NAALADL2: variants seen among roughly 807,000 people sequenced by gnomAD.
NAALADL2 encodes the protein inactive N-acetylated-alpha-linked acidic dipeptidase-like protein 2.
NAALADL2 carries 76 observed loss-of-function variants against 87.2 expected under a neutral mutation model. The observed-to-expected ratio is 0.87, with a 90% confidence interval of 0.72 to 1.05. NAALADL2 has a LOEUF of 1.05. NAALADL2 is among the 50% of genes least tolerant of loss of function. The pLI is 0.00. For missense variants in NAALADL2, 1,089 were observed against 945.8 expected (o/e 1.15, Z -1.99); for synonymous variants, 354 against 331.0 (o/e 1.07, Z -0.75).
intron 11 of NAALADL2, chr3:175,718,683 T>G: frequency 1.9e-6 from 3 of 1,540,460 alleles, no homozygotes; most frequent in Non-Finnish European, 2.7e-6. Flanking sequence ...CGTTTTCTTG[T>G]ATTTTTATAG....
chr3:175,763,069 G>A (rs1748245920), intron 13 of NAALADL2, among the ~76,000 whole-genome samples: 2 of 143,078 alleles, frequency 1.4e-5, no homozygotes, highest in Non-Finnish European at 3.0e-5. Context: ...GGGGGACACA[G>A]CAAGACTCTG....
At chr3:175,122,833 A>G (rs1056308817) in intron 2 of NAALADL2, among the ~76,000 whole-genome samples, 3 of 151,880 alleles carry the variant, frequency 2.0e-5, no homozygotes, top group Non-Finnish European at 4.4e-5. Context: ...ATAGAAATTT[A>G]TTTATCATGG....
At chr3:174,723,818 G>A (rs1432018913) in intron 2 of NAALADL2, among the ~76,000 whole-genome samples, 1 of 148,626 alleles carries the variant, frequency 6.7e-6, no homozygotes, top group African/African-American at 2.5e-5. Flanking sequence ...CTATACTGGA[G>A]GTTTTTAGGA....
At chr3:175,747,310 C>A (rs1354602384) in intron 12 of NAALADL2, among the ~76,000 whole-genome samples, 2 of 152,302 alleles carry the variant, frequency 1.3e-5, no homozygotes, top group Non-Finnish European at 2.9e-5. Context: ...GTACTTCATG[C>A]AAATTCCTTT....
intron 1 of NAALADL2, among the ~76,000 whole-genome samples, chr3:175,012,433 G>A (rs977065718): frequency 1.1e-4 from 16 of 152,120 alleles, no homozygotes; most frequent in African/African-American, 3.9e-4. Context: ...CTCCCAAATT[G>A]TTGGGATTAC....
chr3:174,458,942 A>C (rs1716029582), intron 1 of NAALADL2, among the ~76,000 whole-genome samples: 1 of 152,134 alleles, frequency 6.6e-6, no homozygotes, highest in South Asian at 2.1e-4. Flanking sequence ...AACATGATCA[A>C]AGTAGCAAGC....
At chr3:175,733,050 C>G (rs1561053599) in intron 11 of NAALADL2, among the ~76,000 whole-genome samples, 1 of 151,986 alleles carries the variant, frequency 6.6e-6, no homozygotes. Flanking sequence ...TGCACATGTA[C>G]CCCAGAACTT....
At chr3:174,608,512 C>A (rs1447779247) in intron 2 of NAALADL2, among the ~76,000 whole-genome samples, 1 of 151,228 alleles carries the variant, frequency 6.6e-6, no homozygotes, top group African/African-American at 2.4e-5. Flanking sequence ...ATACAAACTA[C>A]CATCAGAGAA....
chr3:175,318,164 A>G (rs1197585866), intron 4 of NAALADL2, among the ~76,000 whole-genome samples: 1 of 152,096 alleles, frequency 6.6e-6, no homozygotes, highest in Non-Finnish European at 1.5e-5. Context: ...GTAACAGTTT[A>G]TGGCAATTTA....
At chr3:175,077,017 A>G (rs1288799775) in intron 1 of NAALADL2, among the ~76,000 whole-genome samples, 1 of 152,186 alleles carries the variant, frequency 6.6e-6, no homozygotes. Context: ...TTGTCTTTTA[A>G]TGACCCTCAG....
At chr3:174,756,834 A>G (rs985179194) in intron 3 of NAALADL2, among the ~76,000 whole-genome samples, 2 of 152,150 alleles carry the variant, frequency 1.3e-5, no homozygotes, top group Non-Finnish European at 2.9e-5. Context: ...GCCTTTGCAC[A>G]TGTTCTTCTT....
intron 2 of NAALADL2, among the ~76,000 whole-genome samples, chr3:174,591,634 T>C (rs1272564504): frequency 1.3e-5 from 2 of 152,172 alleles, no homozygotes; most frequent in Non-Finnish European, 1.5e-5. Flanking sequence ...TTAAAGGCCA[T>C]TGCAGAAATT....
intron 11 of NAALADL2, among the ~76,000 whole-genome samples, chr3:175,716,106 T>C (rs1207413023): frequency 6.8e-6 from 1 of 147,820 alleles, no homozygotes; most frequent in Non-Finnish European, 1.5e-5. Context: ...TAATATTATA[T>C]ATGATATATG....
At chr3:175,179,953 C>T (rs1736221763) in intron 2 of NAALADL2, among the ~76,000 whole-genome samples, 1 of 151,934 alleles carries the variant, frequency 6.6e-6, no homozygotes. Context: ...CATTCACTGA[C>T]AGCACTAACT....
intron 9 of NAALADL2, among the ~76,000 whole-genome samples, chr3:175,528,725 A>G (rs891840365): frequency 3.9e-5 from 6 of 152,238 alleles, no homozygotes; most frequent in African/African-American, 1.4e-4. Flanking sequence ...CAATTCAAAT[A>G]CTATTATATA....
chr3:175,089,041 AT>A (rs1271520863), intron 1 of NAALADL2, among the ~76,000 whole-genome samples: 5 of 152,144 alleles, frequency 3.3e-5, no homozygotes, highest in Admixed American at 1.3e-4. Flanking sequence ...AAAATTGTAA[AT>A]GTTGTTAAGA....
chr3:175,286,823 A>T (rs1009070757), intron 4 of NAALADL2, among the ~76,000 whole-genome samples: 3 of 152,150 alleles, frequency 2.0e-5, no homozygotes, highest in Non-Finnish European at 2.9e-5. Context: ...TGGATGCGGT[A>T]ACTCATGCCT....
At chr3:174,892,947 A>G (rs1158513465) in intron 1 of NAALADL2, among the ~76,000 whole-genome samples, 1 of 151,586 alleles carries the variant, frequency 6.6e-6, no homozygotes, top group East Asian at 1.9e-4. Flanking sequence ...AAAATACAAG[A>G]AAGTTGTAGA....
At chr3:175,169,671 G>A (rs535257633) in intron 2 of NAALADL2, among the ~76,000 whole-genome samples, 8 of 151,362 alleles carry the variant, frequency 5.3e-5, no homozygotes, top group South Asian at 2.1e-4. Flanking sequence ...CATCCTGTCC[G>A]TGATGCATCC....
Sources: gnomAD v4.1 joint callset for allele counts (sites outside exome capture counted in the v4.1 genomes callset) on GRCh38, gnomAD v4.1.1 for gene constraint, MANE v1.5 for transcripts, NCBI Gene and HGNC (gene_info 2026-07-23, HGNC 2026-07-21) for gene names.